ABCA6: variants seen among roughly 807,000 people sequenced by gnomAD.
ABCA6 encodes the protein ATP binding cassette subfamily A member 6.
A neutral mutation model predicts 191.2 loss-of-function variants in ABCA6; 164 were observed. The observed-to-expected ratio is 0.86, with a 90% confidence interval of 0.76 to 0.98. The LOEUF is 0.98. ABCA6 is among the 50% of genes least tolerant of loss of function. The probability of loss-of-function intolerance (pLI) is 0.00; values close to 1 mark genes in which losing one functional copy is unlikely to be tolerated. For missense variants in ABCA6, 1,958 were observed against 1,894.1 expected (o/e 1.03, Z -0.63); for synonymous variants, 636 against 647.7 (o/e 0.98, Z 0.27).
chr17:69,114,852 G>A lies in ABCA6; in HGVS notation c.1692C>T (p.Phe564=), dbSNP rs535844796. 1.2e-6 allele frequency: 2 copies of A among 1,612,644 alleles called. No individual in the cohort carries two copies. Among genetic ancestry groups the A allele is most frequent in the South Asian group, 2.2e-5 (2 of 91,006 alleles). ...CGGTGAGTATGTCAAATTGAACATTGAATTGAGGACAGACGCCAGTTATCT... is the reference window on the plus strand; with the variant it reads ...CGGTGAGTATGTCAAATTGAACATTAAATTGAGGACAGACGCCAGTTATCT... ...IRKITGVCPQ[F]NVQFDILTVK... Residue 564 remains phenylalanine (F), a synonymous_variant, in exon 13 of 39, where the codon TTC becomes TTT. Transcript: ENST00000284425.
rs185166936 is a variant in ABCA6, at chr17:69,097,315, C to T, written c.3121-514G>A. On this transcript the variant is annotated intron_variant, in intron 23 of 38. Coordinates refer to ENST00000284425, the MANE Select transcript of ABCA6 (RefSeq NM_080284.3). Reference sequence around the variant, plus strand: ...CTGAGGCAGAAGAACTGCTTGAACCCGGGAGGCGGAGTTTGCAGTGAACCG... The same window carrying T: ...CTGAGGCAGAAGAACTGCTTGAACCTGGGAGGCGGAGTTTGCAGTGAACCG... Among the ~76,000 whole-genome samples, 338 of 150,996 alleles carry T rather than the reference C, an allele frequency of 2.2e-3. 3 individuals are homozygous for T. The highest frequency in any genetic ancestry group is 7.8e-3 in the African/African-American group (320 of 41,160).
chr17:69,132,759 T>A (rs778247587), intron 6 of ABCA6, among the ~76,000 whole-genome samples: 3 of 152,174 alleles, frequency 2.0e-5, no homozygotes, highest in Non-Finnish European at 2.9e-5. Flanking sequence ...AGATTACAGG[T>A]GTGAGCCAGT....
At chr17:69,121,756 G>T (rs1568027109) in intron 10 of ABCA6, among the ~76,000 whole-genome samples, 1 of 151,960 alleles carries the variant, frequency 6.6e-6, no homozygotes, top group African/African-American at 2.4e-5. Context: ...TTTATAATTT[G>T]AATAATAATA....
In ABCA6 at chr17:69,105,509, T is replaced by C. The variant is rs1440407085; in HGVS notation, c.2693A>G (p.Gln898Arg). 6.2e-7 allele frequency: 1 copy of C among 1,611,396 alleles called. No individual in the cohort carries two copies. The highest frequency in any genetic ancestry group is 1.3e-5 in the African/African-American group (1 of 74,830). Residue 898 changes from glutamine (Q) to arginine (R), a missense_variant, in exon 20 of 39, where the codon CAA becomes CGA. Physicochemically the swap from Gln to Arg is conservative, Grantham distance 43. Transcript: ENST00000284425. ...KNELYFLSPG[Q>R]LPQEPRTSLL... ...GCTGGTACGGGGTTCCTGGGGAAGT[T>C]GTCCAGGAGAGAGAAAATACAATTC...
intron 28 of ABCA6, 104 bp from the exon 29 acceptor site, chr17:69,087,577 G>T: frequency 6.9e-7 from 1 of 1,452,626 alleles, no homozygotes; most frequent in Non-Finnish European, 9.4e-7. Flanking sequence ...TCTCTAATGT[G>T]CAGGTGATGA....
chr17:69,140,815 TA>T (rs545023369), intron 1 of ABCA6, 67 bp from the exon 2 acceptor site: 23 of 488,316 alleles, frequency 4.7e-5, no homozygotes, highest in Admixed American at 8.2e-5. Flanking sequence ...TTACTACCTT[TA>T]AAAAGTGTAA....
chr17:69,083,318 C>T lies in ABCA6; in HGVS notation c.4369G>A (p.Ala1457Thr), dbSNP rs781673805. The change falls in exon 35 of 39, where the codon GCA becomes ACA. Residue 1457 changes from alanine (A) to threonine (T), a missense_variant. Coordinates refer to ENST00000284425, the MANE Select transcript of ABCA6 (RefSeq NM_080284.3). ...GQQQMWQAIQ[A>T]VVKNTERGVL... Reference sequence around the variant, plus strand: ...CCTCTCTCTGTGTTTTTAACGACTGCCTGGATTGCCTGCCTGCAGTGAGCA... The same window carrying T: ...CCTCTCTCTGTGTTTTTAACGACTGTCTGGATTGCCTGCCTGCAGTGAGCA... 4 of 1,588,516 alleles carry T rather than the reference C, an allele frequency of 2.5e-6. No individual in the cohort carries two copies. The highest frequency in any genetic ancestry group is 1.9e-5 in the Admixed American group (1 of 51,570).
chr17:69,137,850 G>A (rs2073974456), intron 2 of ABCA6, among the ~76,000 whole-genome samples: 1 of 152,064 alleles, frequency 6.6e-6, no homozygotes, highest in Admixed American at 6.6e-5. Flanking sequence ...AGTTTATGGT[G>A]GCAAATAGCA....
At position 69,105,634 on chromosome 17, in the gene ABCA6, C is replaced by G; in HGVS notation, c.2574-6G>C. 6.9e-7 allele frequency: 1 copy of G among 1,455,820 alleles called. No individual in the cohort carries two copies. The highest frequency in any genetic ancestry group is 2.3e-5 in the East Asian group (1 of 43,366). 90.2% of individuals were successfully genotyped at this position (1,455,820 alleles called of 1,614,324 possible). A position where few individuals can be genotyped will look rare whatever the true frequency, so the allele number is the denominator to read the frequency against. ...CGATTCCAAATACCAATAATCTAAACAATAAAGAAAAATTAGCATATTAAT... is the reference window on the plus strand; with the variant it reads ...CGATTCCAAATACCAATAATCTAAAGAATAAAGAAAAATTAGCATATTAAT... On this transcript the variant is annotated splice_polypyrimidine_tract_variant and splice_region_variant and intron_variant, in intron 19 of 38. Transcript: ENST00000284425.
At position 69,115,470 on chromosome 17, in the gene ABCA6, T is replaced by A. The variant is rs144729037; in HGVS notation, c.1512A>T (p.Ile504=). The change falls in exon 12 of 39, where the codon ATA becomes ATT. Residue 504 remains isoleucine (I), a synonymous_variant. Coordinates refer to ENST00000284425, the MANE Select transcript of ABCA6 (RefSeq NM_080284.3). ...VEALKGLLFD[I]YEGQITAILG... Reference sequence around the variant, plus strand: ...GGATTGCCGTGATTTGACCTTCATATATGTCAAAGAGCAAGCCTATTTTTA... The same window carrying A: ...GGATTGCCGTGATTTGACCTTCATAAATGTCAAAGAGCAAGCCTATTTTTA... 1 of 1,610,106 alleles carries A rather than the reference T, an allele frequency of 6.2e-7. No homozygotes were observed. Among genetic ancestry groups the A allele is most frequent in the Non-Finnish European group, 8.5e-7 (1 of 1,178,006 alleles).
At chr17:69,112,778 A>G (rs1305902904) in intron 15 of ABCA6, 1 of 154,524 alleles carries the variant, frequency 6.5e-6, no homozygotes, top group Non-Finnish European at 1.4e-5. Context: ...ATGTAACAAA[A>G]CGGTACTTGT....
At chr17:69,129,797 A>G in intron 6 of ABCA6, 46 bp from the exon 7 acceptor site, 2 of 1,388,090 alleles carry the variant, frequency 1.4e-6, no homozygotes, top group South Asian at 2.7e-5. Context: ...ACTTATTTAC[A>G]AAATATTTAA....
chr17:69,108,129 G>C, intron 17 of ABCA6: 1 of 260,766 alleles, frequency 3.8e-6, no homozygotes, highest in South Asian at 5.0e-5. Flanking sequence ...ACAAACCCAC[G>C]TATATCTCTA....
At chr17:69,122,757 A>C (rs970343980) in intron 10 of ABCA6, among the ~76,000 whole-genome samples, 2 of 152,038 alleles carry the variant, frequency 1.3e-5, no homozygotes, top group Non-Finnish European at 2.9e-5. Flanking sequence ...GTGTGGCTGG[A>C]TAATATGATA....
intron 25 of ABCA6, among the ~76,000 whole-genome samples, chr17:69,093,571 G>A (rs948058260): frequency 2.0e-5 from 3 of 152,026 alleles, no homozygotes; most frequent in African/African-American, 7.3e-5. Context: ...AGTTTTTCCC[G>A]CCCCAAAATG....
chr17:69,087,414 T>C lies in ABCA6; in HGVS notation c.3758A>G (p.Glu1253Gly). Reference sequence around the variant, plus strand: ...TCTTATTCTTTCTGTTTGAATATCTTCATCTTCATCTATGGGTTCTTCTGG... The same window carrying C: ...TCTTATTCTTTCTGTTTGAATATCTCCATCTTCATCTATGGGTTCTTCTGG... ...PNPEEPIDED[E>G]DIQTERIRTA... Residue 1253 changes from glutamate to glycine, a missense_variant, in exon 29 of 39, where the codon GAA becomes GGA. Physicochemically the swap from Glu to Gly is moderately conservative, Grantham distance 98. Transcript: ENST00000284425. The C allele has an allele frequency of 6.2e-7, 1 of 1,613,994 alleles. No homozygotes were observed. The highest frequency in any genetic ancestry group is 8.5e-7 in the Non-Finnish European group (1 of 1,179,868).
intron 6 of ABCA6, among the ~76,000 whole-genome samples, chr17:69,130,405 C>T (rs1489884800): frequency 6.6e-6 from 1 of 151,746 alleles, no homozygotes; most frequent in Non-Finnish European, 1.5e-5. Context: ...TGTTAGGCAA[C>T]AGCTCTGTGT....
At chr17:69,087,627 G>C in intron 28 of ABCA6, 154 bp from the exon 29 acceptor site, 2 of 991,938 alleles carry the variant, frequency 2.0e-6, no homozygotes, top group Non-Finnish European at 3.0e-6. Flanking sequence ...CTTTTGCCAA[G>C]AACTCCTGTC....
At chr17:69,133,540 T>C (rs2073900153) in intron 6 of ABCA6, 101 bp downstream of exon 6, 4 of 853,402 alleles carry the variant, frequency 4.7e-6, no homozygotes, top group Non-Finnish European at 7.2e-6. Flanking sequence ...AAGTAGCCAA[T>C]GCATCAAGTT....
Sources: gnomAD v4.1 joint callset for allele counts (sites outside exome capture counted in the v4.1 genomes callset) on GRCh38, gnomAD v4.1.1 for gene constraint, MANE v1.5 for transcripts, NCBI Gene and HGNC (gene_info 2026-07-23, HGNC 2026-07-21) for gene names.